The following RCCD1 variants were observed in gnomAD, a reference collection of about 807,000 sequenced individuals.
RCCD1 encodes RCC1 domain containing 1.
RCCD1 carries 40 observed loss-of-function variants against 37.6 expected under a neutral mutation model. The observed-to-expected ratio is 1.06, with a 90% confidence interval of 0.83 to 1.39. The LOEUF (loss-of-function observed/expected upper bound fraction) is 1.39, where lower values mean the gene tolerates loss of function less well. Ranked by LOEUF, RCCD1 falls within the 40% of genes most tolerant of loss-of-function variation. RCCD1 has a pLI of 0.00. For missense variants in RCCD1, 577 were observed against 517.3 expected (o/e 1.12, Z -1.12); for synonymous variants, 263 against 230.0 (o/e 1.14, Z -1.30).
chr15:90,955,423 G>C (rs1468753507), intron 1 of RCCD1: 1 of 152,280 alleles, frequency 6.6e-6, no homozygotes, highest in South Asian at 2.1e-4. Context: ...ACCTGCCCGA[G>C]AGGGTAGAGG....
chr15:90,956,718 G>C lies in RCCD1; in HGVS notation c.-17G>C. 7.8e-7 allele frequency: 1 copy of C among 1,280,544 alleles called. No homozygotes were observed. Among genetic ancestry groups the C allele is most frequent in the Non-Finnish European group, 9.9e-7 (1 of 1,013,856 alleles). 79.3% of individuals were successfully genotyped at this position (1,280,544 alleles called of 1,614,324 possible). Reference sequence around the variant, plus strand: ...CGCCGCAGCCAGGCGGCGGCCGGCAGAGGGCGCTGCTCGGGCATGGCGGAG... The same window carrying C: ...CGCCGCAGCCAGGCGGCGGCCGGCACAGGGCGCTGCTCGGGCATGGCGGAG... On this transcript the variant is annotated 5_prime_UTR_variant, in exon 2 of 8. Transcript: ENST00000394258.
rs1232610115 is a variant in RCCD1 at position 90,962,260 on chromosome 15, A to G, written c.*491A>G. 6.5e-6 allele frequency: 1 copy of G among 153,984 alleles called. No homozygotes were observed. The highest frequency in any genetic ancestry group is 2.4e-5 in the African/African-American group (1 of 41,470). 9.5% of individuals were successfully genotyped at this position (153,984 alleles called of 1,614,324 possible). A position where few individuals can be genotyped will look rare whatever the true frequency, so the allele number is the denominator to read the frequency against. ...TGTCGTTTTTGTCACTCAGCATTGT[A>G]TAATCCATCCTTGTTGGGTCCTGGA... On this transcript the variant is annotated 3_prime_UTR_variant, in exon 8 of 8. Transcript: ENST00000394258.
chr15:90,955,182 C>A (rs1358875578), intron 1 of RCCD1: 1 of 152,290 alleles, frequency 6.6e-6, no homozygotes, highest in African/African-American at 2.4e-5. Context: ...GGCCGCAGGG[C>A]CCCGGCGTAG....
At chr15:90,958,095 G>A (rs2037239785) in intron 4 of RCCD1, among the ~76,000 whole-genome samples, 1 of 152,246 alleles carries the variant, frequency 6.6e-6, no homozygotes, top group South Asian at 2.1e-4. Context: ...GGGCCATGAT[G>A]TGTGGCACAG....
chr15:90,961,784 T>C lies in RCCD1; in HGVS notation c.*15T>C. On this transcript the variant is annotated 3_prime_UTR_variant, in exon 8 of 8. Coordinates refer to ENST00000394258, the MANE Select transcript of RCCD1 (RefSeq NM_001017919.2). ...GGAAGAGCTGACATGTGTACGTATA[T>C]GTATATGCAACACCTGTGAGACCCC... is the stretch of plus-strand genomic sequence containing the variant. 1 of 1,607,866 alleles carries C rather than the reference T, an allele frequency of 6.2e-7. No homozygotes were observed. The highest frequency in any genetic ancestry group is 1.1e-5 in the South Asian group (1 of 90,532).
intron 1 of RCCD1, among the ~76,000 whole-genome samples, chr15:90,956,167 A>G (rs974961589): frequency 1.3e-5 from 2 of 152,126 alleles, no homozygotes; most frequent in African/African-American, 4.8e-5. Flanking sequence ...CTGCCTCCCA[A>G]ACGCTCTTCT....
At chr15:90,955,048 GCCCCACGGGTT>G (rs1468545716) in intron 1 of RCCD1, 100 bp downstream of exon 1, 2 of 152,324 alleles carry the variant, frequency 1.3e-5, no homozygotes, top group South Asian at 2.1e-4. Flanking sequence ...CCGAGCTCCA[GCCCCACGGGTT>G]CCTGCAGGGG....
chr15:90,960,167 G>A, intron 5 of RCCD1, 161 bp from the exon 6 acceptor site: 1 of 924,154 alleles, frequency 1.1e-6, no homozygotes, highest in Non-Finnish European at 1.6e-6. Flanking sequence ...ACACACTTGT[G>A]CAGCAGTGCC....
rs575669159 is a variant in RCCD1 at position 90,959,710 on chromosome 15, C to G, written c.680-190C>G. On this transcript the variant is annotated intron_variant, in intron 4 of 7. Coordinates refer to ENST00000394258, the MANE Select transcript of RCCD1 (RefSeq NM_001017919.2). ...TCCAGTAAGGGACTTAAAGGGTGATCTGAAGGCATTGAGGGGATGTGAACC... is the reference window on the plus strand; with the variant it reads ...TCCAGTAAGGGACTTAAAGGGTGATGTGAAGGCATTGAGGGGATGTGAACC... 8.9e-5 allele frequency: 42 copies of G among 470,216 alleles called. 1 individual carries two copies. Among genetic ancestry groups the G allele is most frequent in the African/African-American group, 7.2e-4 (37 of 51,220 alleles). The allele number at this position is 470,216 out of a possible 1,614,324, so 29.1% of individuals were successfully genotyped here.
Position 90,956,799 on chromosome 15 carries a change from G to T in RCCD1, c.65G>T (p.Gly22Val). ...TTCTGCGGCTTCGGGCAGGAGCTGG[G>T]CTCCGGACGCGGGCGCCAGGTGCAC... ...FGFCGFGQELGSGRGRQVHSP... is the reference protein window; with the variant it reads ...FGFCGFGQELVSGRGRQVHSP... The change falls in exon 2 of 8, where the codon GGC (glycine) becomes GTC (valine). Residue 22 changes from glycine (G) to valine (V), a missense_variant. By Grantham distance (109) the Gly-to-Val change is moderately radical. Transcript: ENST00000394258. 7.6e-7 allele frequency: 1 copy of T among 1,315,950 alleles called. No individual in the cohort carries two copies. The highest frequency in any genetic ancestry group is 2.9e-5 in the East Asian group (1 of 34,946). The allele number at this position is 1,315,950 out of a possible 1,614,324, so 81.5% of individuals were successfully genotyped here.
chr15:90,961,662 C>A lies in RCCD1; in HGVS notation c.1024C>A (p.Arg342=), dbSNP rs527910620. 2 of 1,614,042 alleles carry A rather than the reference C, an allele frequency of 1.2e-6. No homozygotes were observed. Among genetic ancestry groups the A allele is most frequent in the African/African-American group, 1.3e-5 (1 of 75,032 alleles). Residue 342 remains arginine (R), a synonymous_variant, in exon 8 of 8, where the codon CGG becomes AGG. Coordinates refer to ENST00000394258, the MANE Select transcript of RCCD1 (RefSeq NM_001017919.2). ...CCACGAGGACACCACCAGCTTGGAT[C>A]GGCCTCGCCGTGTGGAATACTTTGT... ...LGHEDTTSLD[R]PRRVEYFVDK... is the part of the protein sequence containing the mutation.
Position 90,959,995 on chromosome 15 carries a change from G to T in RCCD1, c.775G>T (p.Glu259Ter). The change falls in exon 5 of 8, where the codon GAA (glutamate) becomes TAA (stop). Residue 259 changes from glutamate (E) to a stop codon, truncating the protein, a stop_gained. Transcript: ENST00000394258. LOFTEE classifies it high-confidence loss of function. ...LAEDGETVAR[E>*]ATELNEDGSQ... The stretch of plus-strand genomic sequence containing the variant: ...AGAGGATGGAGAGACTGTCGCAAGG[G>T]AAGGTGAGGGTCATCTCGGCTCCCA... The T allele has an allele frequency of 6.2e-7, 1 of 1,611,734 alleles. No homozygotes were observed. The highest frequency in any genetic ancestry group is 8.5e-7 in the Non-Finnish European group (1 of 1,178,812).
chr15:90,960,395 C>T lies in RCCD1; in HGVS notation c.846C>T (p.Ala282=). Residue 282 remains alanine, a synonymous_variant, in exon 6 of 8, where the codon GCC becomes GCT. Coordinates refer to ENST00000394258, the MANE Select transcript of RCCD1 (RefSeq NM_001017919.2). ...RTGGAEDGAP[A]PFIAVQPFPA... is the part of the protein sequence containing the mutation. ...GTGGGGCTGAGGATGGAGCCCCTGC[C>T]CCCTTCATAGCTGTCCAGCCCTTCC... 1.2e-6 allele frequency: 2 copies of T among 1,613,850 alleles called. No individual in the cohort carries two copies. Among genetic ancestry groups the T allele is most frequent in the East Asian group, 2.2e-5 (1 of 44,882 alleles).
intron 6 of RCCD1, 95 bp from the exon 7 acceptor site, chr15:90,960,930 G>GT (rs1392149150): frequency 8.8e-7 from 1 of 1,141,026 alleles, no homozygotes; most frequent in South Asian, 1.2e-5. Context: ...CATGAGGATT[G>GT]TAATATGCTA....
chr15:90,960,714 C>A, intron 6 of RCCD1: 2 of 611,966 alleles, frequency 3.3e-6, no homozygotes, highest in Admixed American at 5.9e-5. Context: ...CTGATGCTTT[C>A]TGTCCTCCCT....
chr15:90,955,679 G>A (rs1471181916), intron 1 of RCCD1: 1 of 148,514 alleles, frequency 6.7e-6, no homozygotes, highest in Non-Finnish European at 1.5e-5. Flanking sequence ...GCAGCATAGC[G>A]AGACCCCTGT....
At chr15:90,959,098 T>A (rs1206838854) in intron 4 of RCCD1, among the ~76,000 whole-genome samples, 1 of 152,060 alleles carries the variant, frequency 6.6e-6, no homozygotes, top group Non-Finnish European at 1.5e-5. Flanking sequence ...CCACCAGACT[T>A]CCTAGTTTCA....
chr15:90,959,877 T>G (rs2037278103), intron 4 of RCCD1, 23 bp from the exon 5 acceptor site: 4 of 1,545,340 alleles, frequency 2.6e-6, no homozygotes, highest in Non-Finnish European at 3.6e-6. Flanking sequence ...GTCTGTTTCA[T>G]GTGTCCCCTT....
intron 1 of RCCD1, among the ~76,000 whole-genome samples, chr15:90,956,410 A>G (rs540353452): frequency 1.1e-3 from 169 of 152,290 alleles, no homozygotes; most frequent in Admixed American, 2.6e-3. Context: ...TCCTAGTCCA[A>G]TGCCTAAAGG....
Sources: allele counts gnomAD v4.1 joint callset (sites outside exome capture counted in the v4.1 genomes callset), GRCh38; gene constraint gnomAD v4.1.1; transcripts MANE v1.5; gene names NCBI Gene and HGNC (gene_info 2026-07-23, HGNC 2026-07-21).